ODF2: variants seen among roughly 807,000 people sequenced by gnomAD.
ODF2 encodes outer dense fiber of sperm tails 2, also known as outer dense fiber protein 2.
A neutral mutation model predicts 110.2 loss-of-function variants in ODF2; 47 were observed. The ratio of observed to expected loss-of-function variants is 0.43; its 90% CI spans 0.34 to 0.54. The LOEUF is 0.54. ODF2 is among the 20% of genes least tolerant of loss of function. ODF2 has a pLI of 0.03. For missense variants in ODF2, 812 were observed against 1,054.5 expected (o/e 0.77, Z 3.19); for synonymous variants, 352 against 397.7 (o/e 0.89, Z 1.37).
At chr9:128,463,753 T>G (rs931828102) in intron 4 of ODF2, among the ~76,000 whole-genome samples, 3 of 152,252 alleles carry the variant, frequency 2.0e-5, no homozygotes, top group Admixed American at 1.3e-4. Context: ...AGAATATGTT[T>G]ATATCTACAG....
In ODF2 at chr9:128,494,484, C is replaced by A; in HGVS notation, c.1753-26C>A. 6.2e-7 allele frequency: 1 copy of A among 1,610,484 alleles called. No individual in the cohort carries two copies. Among genetic ancestry groups the A allele is most frequent in the Non-Finnish European group, 8.5e-7 (1 of 1,177,040 alleles). On this transcript the variant is annotated intron_variant, in intron 16 of 20. Transcript: ENST00000604420. This position sits in a 1 kb window ranked among gnomAD's most constrained non-coding sequence, Gnocchi z 4.6. ...TTTCCTAACTGTGGGTCTTTCCTTC[C>A]TGTGGGTCTTTCCTTCCTGTTTCAG...
At chr9:128,472,398 G>C (rs1230689546) in intron 6 of ODF2, among the ~76,000 whole-genome samples, 1 of 152,266 alleles carries the variant, frequency 6.6e-6, no homozygotes, top group Admixed American at 6.5e-5. Context: ...AGTAGAGATG[G>C]GGTTTTAGCT....
chr9:128,473,790 C>T (rs1334786642), intron 8 of ODF2, 49 bp downstream of exon 8: 1 of 1,536,198 alleles, frequency 6.5e-7, no homozygotes, highest in African/African-American at 1.4e-5. Context: ...TGCCCATCCT[C>T]TCTGAGCCTT....
At chr9:128,479,842 A>G (rs1032264123) in intron 8 of ODF2, among the ~76,000 whole-genome samples, 4 of 152,170 alleles carry the variant, frequency 2.6e-5, no homozygotes, top group African/African-American at 7.2e-5. Flanking sequence ...GTGGGAGGGA[A>G]TGGGAATGGC....
At chr9:128,470,879 G>A (rs1301521571) in intron 5 of ODF2, among the ~76,000 whole-genome samples, 2 of 150,612 alleles carry the variant, frequency 1.3e-5, no homozygotes, top group African/African-American at 4.9e-5. Context: ...AGCCTGTGTA[G>A]TTCTCAATTG....
intron 9 of ODF2, 64 bp downstream of exon 9, chr9:128,481,715 A>C: frequency 3.8e-6 from 5 of 1,311,420 alleles, no homozygotes; most frequent in African/African-American, 1.5e-5. Flanking sequence ...TTCCACTACA[A>C]AGTGTAGAGG....
Position 128,494,726 on chromosome 9 carries a change from A to G in ODF2, c.1911+58A>G, listed in dbSNP as rs1845288877. 6 of 1,613,938 alleles carry G rather than the reference A, an allele frequency of 3.7e-6. No homozygotes were observed. Among genetic ancestry groups the G allele is most frequent in the Admixed American group, 1.7e-5 (1 of 60,004 alleles). On this transcript the variant is annotated intron_variant, in intron 17 of 20. Coordinates refer to ENST00000604420, the Ensembl canonical transcript of ODF2. The surrounding 1 kb of genome is among the most constrained non-coding windows in gnomAD (Gnocchi z 4.6). ...GACCCGAGCAGGGGCCCGCATACCA[A>G]GATGAGCTGCACGCCCCCCAAGGGA... is the stretch of plus-strand genomic sequence containing the variant.
chr9:128,473,145 A>C, intron 7 of ODF2, 103 bp downstream of exon 7: 1 of 1,543,738 alleles, frequency 6.5e-7, no homozygotes. Context: ...ACTTTATGAC[A>C]TCTTCAGGCT....
intron 14 of ODF2, among the ~76,000 whole-genome samples, chr9:128,491,870 T>C (rs7859573): frequency 0.023 from 3,383 of 148,352 alleles, 117 homozygotes; most frequent in African/African-American, 0.079. Context: ...CATTTTCTTT[T>C]TTTTTTTTTT....
intron 2 of ODF2, among the ~76,000 whole-genome samples, chr9:128,459,125 A>G (rs1285726144): frequency 6.6e-6 from 1 of 152,208 alleles, no homozygotes; most frequent in Non-Finnish European, 1.5e-5. Flanking sequence ...GATTACAGGC[A>G]TGAGACATGG....
chr9:128,488,041 T>G lies in ODF2; in HGVS notation c.1536+16T>G. On this transcript the variant is annotated intron_variant, in intron 14 of 20. Coordinates refer to ENST00000604420, the Ensembl canonical transcript of ODF2. ...GAGGCTGAAGGTTCGCAGTGAGAGC[T>G]GGGGACCAGGCAGCTGGATGGGGCC... is the stretch of plus-strand genomic sequence containing the variant. 6.2e-7 allele frequency: 1 copy of G among 1,613,042 alleles called. No individual in the cohort carries two copies. Among genetic ancestry groups the G allele is most frequent in the Non-Finnish European group, 8.5e-7 (1 of 1,179,672 alleles).
chr9:128,456,278 G>A (rs768551354), intron 1 of ODF2, 23 bp downstream of exon 1: 314 of 1,525,596 alleles, frequency 2.1e-4, no homozygotes, highest in Non-Finnish European at 2.6e-4. Context: ...CGGCAGGCGG[G>A]ATCCAGCGCC....
chr9:128,462,112 C>T (rs1216068368), intron 4 of ODF2, among the ~76,000 whole-genome samples: 1 of 151,498 alleles, frequency 6.6e-6, no homozygotes, highest in Non-Finnish European at 1.5e-5. Context: ...TGACAACTAT[C>T]TCCTGCCAGC....
chr9:128,492,679 C>A, intron 15 of ODF2, 22 bp from the exon 16 acceptor site: 2 of 1,605,742 alleles, frequency 1.2e-6, no homozygotes, highest in Non-Finnish European at 1.7e-6. Flanking sequence ...CTAAGATGAA[C>A]CACAGTGTTG....
chr9:128,487,892 G>A (rs370376492), exon 14 of ODF2: 33 of 1,613,700 alleles, frequency 2.0e-5, no homozygotes, highest in African/African-American at 1.1e-4. Context: ...TCTTCCAGCC[G>A]GGTAACAGAT....
At chr9:128,496,420 T>C in intron 18 of ODF2, 1 of 1,121,534 alleles carries the variant, frequency 8.9e-7, no homozygotes. Context: ...GGTCCAGGCC[T>C]GCCAGGAGGG....
chr9:128,482,484 A>G (rs1842584042), intron 9 of ODF2, among the ~76,000 whole-genome samples: 1 of 151,390 alleles, frequency 6.6e-6, no homozygotes, highest in African/African-American at 2.4e-5. Context: ...TTTTTTTTTT[A>G]ACGGTGCTGA....
At chr9:128,472,148 C>T (rs544482930) in intron 6 of ODF2, among the ~76,000 whole-genome samples, 9 of 152,110 alleles carry the variant, frequency 5.9e-5, no homozygotes, top group African/African-American at 1.4e-4. Flanking sequence ...GGCGTCGCGG[C>T]GGGCGCCTAT....
intron 18 of ODF2, chr9:128,498,112 A>C: frequency 4.4e-6 from 1 of 227,672 alleles, no homozygotes; most frequent in Non-Finnish European, 8.5e-6. Context: ...GGGGATAATA[A>C]TGGTACCATT....
Sources: allele counts gnomAD v4.1 joint callset (sites outside exome capture counted in the v4.1 genomes callset), GRCh38; gene constraint gnomAD v4.1.1; non-coding constraint Gnocchi (gnomAD v3.1); transcripts MANE v1.5; gene names NCBI Gene and HGNC (gene_info 2026-07-23, HGNC 2026-07-21).